Variants in SCAPER observed in about 807,000 individuals in gnomAD.
SCAPER encodes S phase cyclin A-associated protein in the endoplasmic reticulum.
In SCAPER, 98 loss-of-function variants were observed where a neutral mutation model predicts 182.2. That is an observed-to-expected ratio of 0.54 (90% confidence interval 0.46 to 0.64). SCAPER has a LOEUF of 0.64. Ranked by LOEUF, SCAPER falls within the 30% of genes least tolerant of loss-of-function variation. The pLI is 0.00. For missense variants in SCAPER, 1,432 were observed against 1,690.0 expected (o/e 0.85, Z 2.68); for synonymous variants, 605 against 564.6 (o/e 1.07, Z -1.01).
At chr15:76,594,265 C>A (rs2049337590) in intron 22 of SCAPER, among the ~76,000 whole-genome samples, 1 of 118,836 alleles carries the variant, frequency 8.4e-6, no homozygotes. Context: ...AGCATGAAGA[C>A]AAGATTAGAG....
rs1598729820 is a variant in SCAPER at position 76,786,066 on chromosome 15, T to G, written c.772+9214A>C. Among the ~76,000 whole-genome samples, 7 of 152,004 alleles carry G rather than the reference T, an allele frequency of 4.6e-5. No individual in the cohort carries two copies. The South Asian group carries it at 1.5e-3, about 32-fold the overall frequency. Reference sequence around the variant, plus strand: ...TCAATGGGCTGAGTACGGTGGCTCATGCCTGTAATCCCAGCACTTTGGGAG... The same window carrying G: ...TCAATGGGCTGAGTACGGTGGCTCAGGCCTGTAATCCCAGCACTTTGGGAG... On this transcript the variant is annotated intron_variant, in intron 8 of 31. Transcript: ENST00000563290.
At position 76,820,749 on chromosome 15, in the gene SCAPER, AT is replaced by A. The variant is rs200850730; in HGVS notation, c.394-16117del. Among the ~76,000 whole-genome samples, 28 of 151,980 alleles carry A rather than the reference AT, an allele frequency of 1.8e-4. No homozygotes were observed. In the East Asian group the frequency reaches 5.2e-3, roughly 28 times the overall value. On this transcript the variant is annotated intron_variant, in intron 5 of 31. Coordinates refer to ENST00000563290, the MANE Select transcript of SCAPER (RefSeq NM_020843.4). ...AAACTTAAAGTATAATAATAATAAA[AT>A]TTTTTAAAAAAGAAAAAAAAAACTC...
intron 27 of SCAPER, among the ~76,000 whole-genome samples, chr15:76,390,743 C>T (rs2043634381): frequency 1.3e-5 from 2 of 152,174 alleles, no homozygotes; most frequent in South Asian, 4.1e-4. Flanking sequence ...CTAGTTGATA[C>T]TTTGGGGCTC....
In SCAPER at chr15:76,376,354, G is replaced by GAA; in HGVS notation, c.3706-44_3706-43insTT. The GAA allele has an allele frequency of 1.9e-6, 3 of 1,551,946 alleles. No homozygotes were observed. The African/African-American group carries it at 4.1e-5, about 21-fold the overall frequency. On this transcript the variant is annotated intron_variant, in intron 28 of 31. Coordinates refer to ENST00000563290, the MANE Select transcript of SCAPER (RefSeq NM_020843.4). ...CAGTTAGAAGCCCTCAGCCCAGGGA[G>GAA]AGCCAGGGCTGCAAATCACAAAGCA...
At chr15:76,582,583 G>T (rs888549972) in intron 22 of SCAPER, among the ~76,000 whole-genome samples, 1 of 152,058 alleles carries the variant, frequency 6.6e-6, no homozygotes, top group African/African-American at 2.4e-5. Flanking sequence ...CTATTTCACG[G>T]AAATTGAAAA....
intron 21 of SCAPER, among the ~76,000 whole-genome samples, chr15:76,654,428 T>A (rs1322738160): frequency 1.3e-5 from 2 of 152,028 alleles, no homozygotes; most frequent in Non-Finnish European, 2.9e-5. Context: ...CACAATGAGA[T>A]ACCATCTCAT....
At chr15:76,660,265 T>TA (rs1251888556) in intron 21 of SCAPER, among the ~76,000 whole-genome samples, 3 of 151,970 alleles carry the variant, frequency 2.0e-5, no homozygotes, top group Admixed American at 6.6e-5. Flanking sequence ...ATGTTGAAGA[T>TA]AAAAAAACAA....
rs550365408 is a variant in SCAPER, at chr15:76,748,135, C to A, written c.1866+5673G>T. Among the ~76,000 whole-genome samples, 83 of 152,080 alleles carry A rather than the reference C, an allele frequency of 5.5e-4. 2 individuals carry two copies. The South Asian group carries it at 0.012, about 22-fold the overall frequency. The stretch of plus-strand genomic sequence containing the variant: ...CCTCCGGAGTAGCTGGGATTACAGG[C>A]ATGCGCCACCATGCCGCGCTAATTT... On this transcript the variant is annotated intron_variant, in intron 15 of 31. Coordinates refer to ENST00000563290, the MANE Select transcript of SCAPER (RefSeq NM_020843.4).
intron 18 of SCAPER, among the ~76,000 whole-genome samples, chr15:76,704,201 A>G (rs11858628): frequency 6.6e-6 from 1 of 152,218 alleles, no homozygotes; most frequent in African/African-American, 2.4e-5. Flanking sequence ...TCAAGTCATT[A>G]GTAAATTGCT....
chr15:76,710,485 A>C (rs1465620020), intron 17 of SCAPER, among the ~76,000 whole-genome samples: 1 of 152,148 alleles, frequency 6.6e-6, no homozygotes, highest in African/African-American at 2.4e-5. Context: ...GTATTTCTAC[A>C]TACTAGCAAG....
intron 5 of SCAPER, among the ~76,000 whole-genome samples, chr15:76,830,598 G>A (rs761062450): frequency 2.6e-5 from 4 of 152,038 alleles, no homozygotes; most frequent in East Asian, 1.9e-4. Context: ...AACAAAGGAC[G>A]TCTCCCAGGT....
chr15:76,439,980 T>C (rs1002679955), intron 25 of SCAPER, among the ~76,000 whole-genome samples: 6 of 152,222 alleles, frequency 3.9e-5, no homozygotes, highest in Non-Finnish European at 5.9e-5. Flanking sequence ...ACTCTTATAA[T>C]AGCAGCTTAT....
chr15:76,865,712 T>C (rs1462836049), intron 2 of SCAPER, among the ~76,000 whole-genome samples: 2 of 152,080 alleles, frequency 1.3e-5, no homozygotes, highest in African/African-American at 4.8e-5. Context: ...CCAACTAATA[T>C]CCAACTACCA....
At chr15:76,474,350 G>A (rs2143005779) in intron 24 of SCAPER, among the ~76,000 whole-genome samples, 1 of 152,306 alleles carries the variant, frequency 6.6e-6, no homozygotes, top group East Asian at 1.9e-4. Context: ...TCTAGTGGGA[G>A]AGAGATGGTG....
intron 5 of SCAPER, among the ~76,000 whole-genome samples, chr15:76,838,498 G>T (rs1319625888): frequency 6.6e-6 from 1 of 151,998 alleles, no homozygotes; most frequent in Non-Finnish European, 1.5e-5. Context: ...CCCTCACATA[G>T]ATCATTAGAT....
intron 27 of SCAPER, among the ~76,000 whole-genome samples, chr15:76,392,303 A>G (rs973171662): frequency 2.0e-5 from 3 of 152,246 alleles, no homozygotes; most frequent in African/African-American, 7.2e-5. Context: ...TAATGAATAC[A>G]AGAATATGTA....
At chr15:76,754,515 TA>T (rs1270426326) in intron 14 of SCAPER, among the ~76,000 whole-genome samples, 2 of 152,084 alleles carry the variant, frequency 1.3e-5, no homozygotes, top group Non-Finnish European at 2.9e-5. Context: ...AAGATAGATG[TA>T]GTAATTGCTA....
At chr15:76,715,556 A>C (rs1161804417) in intron 17 of SCAPER, among the ~76,000 whole-genome samples, 1 of 152,038 alleles carries the variant, frequency 6.6e-6, no homozygotes, top group Non-Finnish European at 1.5e-5. Flanking sequence ...ATACAGCTGT[A>C]TCTTGCCATT....
chr15:76,718,851 A>T (rs894009468), intron 17 of SCAPER, among the ~76,000 whole-genome samples: 9 of 152,116 alleles, frequency 5.9e-5, no homozygotes, highest in African/African-American at 2.2e-4. Flanking sequence ...AACCATTATG[A>T]AATACTAACT....
Sources: gnomAD v4.1 joint callset for allele counts (sites outside exome capture counted in the v4.1 genomes callset) on GRCh38, gnomAD v4.1.1 for gene constraint, MANE v1.5 for transcripts, NCBI Gene and HGNC (gene_info 2026-07-23, HGNC 2026-07-21) for gene names.